Variants in HIVEP2 observed in about 807,000 individuals in gnomAD.
HIVEP2 encodes the protein transcription factor HIVEP2.
HIVEP2 carries 14 observed loss-of-function variants against 180.7 expected under a neutral mutation model. The ratio of observed to expected loss-of-function variants is 0.08; its 90% CI spans 0.05 to 0.12. The LOEUF (loss-of-function observed/expected upper bound fraction) is 0.12. Among genes scored for constraint, HIVEP2 ranks in the 10% least tolerant of loss-of-function variants. The pLI is 1.00. For missense variants in HIVEP2, 2,579 were observed against 3,008.5 expected (o/e 0.86, Z 3.34); for synonymous variants, 1,184 against 1,136.4 (o/e 1.04, Z -0.84).
intron 1 of HIVEP2, among the ~76,000 whole-genome samples, chr6:142,870,415 A>T (rs1776260636): frequency 6.6e-6 from 1 of 152,134 alleles, no homozygotes; most frequent in African/African-American, 2.4e-5. Flanking sequence ...GCCAGGCCCC[A>T]TAAAGCGCAT....
chr6:142,867,591 T>C (rs1226237598), intron 1 of HIVEP2, among the ~76,000 whole-genome samples: 3 of 152,176 alleles, frequency 2.0e-5, no homozygotes, highest in Non-Finnish European at 4.4e-5. Context: ...TATATTACTC[T>C]ACTTGTTTAA....
At chr6:142,944,566 T>A (rs551987400) in intron 1 of HIVEP2, among the ~76,000 whole-genome samples, 127 of 152,228 alleles carry the variant, frequency 8.3e-4, no homozygotes, top group African/African-American at 3.0e-3. Context: ...CAGCAGCACA[T>A]CTGCTTTGAT....
rs1159717497 is a variant in HIVEP2, at chr6:142,772,527, C to G, written c.2212G>C (p.Val738Leu). The G allele has an allele frequency of 6.2e-7, 1 of 1,614,188 alleles. No homozygotes were observed. The highest frequency in any genetic ancestry group is 8.5e-7 in the Non-Finnish European group (1 of 1,180,052). ...CCAGCCATGGCAAATCCACTCCTGA[C>G]TCCTTCCTGCATCTGCAGTTTGGGG... ...YDPKLQMQEG[V>L]RSGFAMAGHE... The change falls in exon 5 of 10, where the codon GTC becomes CTC. Residue 738 changes from valine to leucine, a missense_variant. Physicochemically the swap from Val to Leu is conservative, Grantham distance 32 (BLOSUM62 1). This residue lies in a region of HIVEP2 where 524 missense variants were observed against 563.6 expected (regional missense o/e 0.93). Transcript: ENST00000367603. The surrounding 1 kb of genome is among the most constrained non-coding windows in gnomAD (Gnocchi z 4.9).
chr6:142,793,546 A>G (rs904833632), intron 2 of HIVEP2, among the ~76,000 whole-genome samples: 7 of 152,162 alleles, frequency 4.6e-5, no homozygotes, highest in Non-Finnish European at 1.0e-4. Context: ...TTTAGCAATT[A>G]AAAAGGAACT....
chr6:142,939,400 A>G (rs769123675), intron 1 of HIVEP2, among the ~76,000 whole-genome samples: 6 of 151,600 alleles, frequency 4.0e-5, no homozygotes, highest in Non-Finnish European at 8.8e-5. Context: ...CTCTGCTCAA[A>G]AACCTTCAGT....
intron 2 of HIVEP2, among the ~76,000 whole-genome samples, chr6:142,812,590 C>T (rs376357289): frequency 2.6e-5 from 4 of 151,716 alleles, no homozygotes; most frequent in Non-Finnish European, 4.4e-5. Context: ...GCATCTAATC[C>T]GAAATTATGA....
intron 2 of HIVEP2, among the ~76,000 whole-genome samples, chr6:142,817,702 G>T (rs888552478): frequency 2.0e-5 from 3 of 152,194 alleles, no homozygotes; most frequent in Non-Finnish European, 4.4e-5. Flanking sequence ...ATTGTAAAAT[G>T]ATGCGCAAGA....
At chr6:142,883,814 A>C (rs1244527351) in intron 1 of HIVEP2, among the ~76,000 whole-genome samples, 3 of 152,206 alleles carry the variant, frequency 2.0e-5, no homozygotes, top group African/African-American at 7.2e-5. Context: ...TCAACTACTA[A>C]TAACTCAAAA....
At chr6:142,928,743 C>A (rs1323915840) in intron 1 of HIVEP2, among the ~76,000 whole-genome samples, 1 of 152,186 alleles carries the variant, frequency 6.6e-6, no homozygotes, top group Non-Finnish European at 1.5e-5. Flanking sequence ...GAACTGAAAT[C>A]TCCACTCAGT....
chr6:142,828,953 C>T (rs1582895504), intron 2 of HIVEP2, among the ~76,000 whole-genome samples: 1 of 152,168 alleles, frequency 6.6e-6, no homozygotes, highest in African/African-American at 2.4e-5. Context: ...TATTCATCTA[C>T]AGTATCTCTC....
rs561949051 is a variant in HIVEP2 at position 142,855,468 on chromosome 6, C to A, written c.-640-18421G>T. Among the ~76,000 whole-genome samples, 87 of 152,340 alleles carry A rather than the reference C, an allele frequency of 5.7e-4. 1 individual carries two copies. Among genetic ancestry groups the A allele is most frequent in the African/African-American group, 2.0e-3 (84 of 41,576 alleles). On this transcript the variant is annotated intron_variant, in intron 1 of 9. Transcript: ENST00000367603. ...GAAGAAGAGTACAGTGTGTTTTAAA[C>A]TGTCTTTGTGTTATAATAAAAATCA...
At chr6:142,758,498 C>T (rs542314196) in intron 9 of HIVEP2, among the ~76,000 whole-genome samples, 1 of 152,190 alleles carries the variant, frequency 6.6e-6, no homozygotes, top group Non-Finnish European at 1.5e-5. Context: ...GGTGCTGATG[C>T]ACTTGACACA....
chr6:142,783,993 A>G (rs987671242), intron 2 of HIVEP2, among the ~76,000 whole-genome samples: 2 of 152,348 alleles, frequency 1.3e-5, no homozygotes, highest in East Asian at 1.9e-4. Flanking sequence ...GTCTCAGATA[A>G]CCTTGTTGTA....
chr6:142,783,749 T>C (rs1775915703), intron 2 of HIVEP2, 134 bp from the exon 3 acceptor site: 2 of 142,356 alleles, frequency 1.4e-5, no homozygotes, highest in African/African-American at 2.6e-5. Context: ...CTCAAGAAGC[T>C]TTTTTTTTTT....
At chr6:142,846,703 C>A (rs1055513664) in intron 1 of HIVEP2, among the ~76,000 whole-genome samples, 4 of 152,142 alleles carry the variant, frequency 2.6e-5, no homozygotes, top group African/African-American at 7.2e-5. Context: ...ATTCTTCTAC[C>A]AGGAGAGGTT....
chr6:142,839,670 CT>C (rs1422843958), intron 1 of HIVEP2, among the ~76,000 whole-genome samples: 1 of 152,086 alleles, frequency 6.6e-6, no homozygotes, highest in Non-Finnish European at 1.5e-5. Flanking sequence ...AGGACACTCC[CT>C]GGGAGCAGTT....
intron 9 of HIVEP2, among the ~76,000 whole-genome samples, chr6:142,756,782 T>C (rs1025212898): frequency 6.6e-6 from 1 of 151,942 alleles, no homozygotes; most frequent in South Asian, 2.1e-4. Flanking sequence ...ACTGAATAAA[T>C]GGATAAAAGA....
chr6:142,932,311 A>G (rs1562296864), intron 1 of HIVEP2, among the ~76,000 whole-genome samples: 1 of 152,232 alleles, frequency 6.6e-6, no homozygotes, highest in Non-Finnish European at 1.5e-5. Flanking sequence ...ATCAATTTGC[A>G]TTACATTATT....
chr6:142,845,410 CTCTT>C (rs1162599725), intron 1 of HIVEP2, among the ~76,000 whole-genome samples: 4 of 152,204 alleles, frequency 2.6e-5, no homozygotes, highest in African/African-American at 4.8e-5. Context: ...CTCCCTCTCT[CTCTT>C]TCTCTCTTCA....
Sources: allele counts gnomAD v4.1 joint callset (sites outside exome capture counted in the v4.1 genomes callset), GRCh38; gene constraint gnomAD v4.1.1; regional missense constraint gnomAD v4.1.1; non-coding constraint Gnocchi (gnomAD v3.1); transcripts MANE v1.5; gene names NCBI Gene and HGNC (gene_info 2026-07-23, HGNC 2026-07-21).